The following WNK1 variants were observed in gnomAD, a reference collection of about 807,000 sequenced individuals.
WNK1 encodes the protein serine/threonine-protein kinase WNK1.
In WNK1, 38 loss-of-function variants were observed where a neutral mutation model predicts 222.8. The observed-to-expected ratio is 0.17, with a 90% CI of 0.13 to 0.22. WNK1 has a LOEUF of 0.22. Ranked by LOEUF, WNK1 falls within the 10% of genes least tolerant of loss-of-function variation. The pLI, the probability that WNK1 is intolerant of heterozygous loss-of-function variation, is 1.00. For synonymous variants in WNK1, 1,090 were observed against 1,092.9 expected (o/e 1.00, Z 0.05); for missense variants, 2,348 against 2,918.4 (o/e 0.80, Z 4.50).
At chr12:906,748 A>C (rs1284783658) in intron 26 of WNK1, 1 of 985,222 alleles carries the variant, frequency 1.0e-6, no homozygotes, top group East Asian at 1.1e-4. Flanking sequence ...CTCTATTTAA[A>C]GAATGGCTAG....
chr12:822,398 A>T lies in WNK1; in HGVS notation c.933-4644A>T, dbSNP rs188309345. On this transcript the variant is annotated intron_variant, in intron 2 of 27. Coordinates refer to ENST00000315939, the MANE Select transcript of WNK1 (RefSeq NM_018979.4). The stretch of plus-strand genomic sequence containing the variant: ...GTAAGCCACCGCCCGCAGCCGTAAT[A>T]TATCACATTCCTAGAGACAGTCTTG... Among the ~76,000 whole-genome samples, 907 of 152,264 alleles carry T rather than the reference A, an allele frequency of 6.0e-3. 11 individuals carry two copies. The highest frequency in any genetic ancestry group is 0.021 in the African/African-American group (855 of 41,558).
chr12:819,634 T>A (rs1947674493), intron 2 of WNK1, among the ~76,000 whole-genome samples: 1 of 152,218 alleles, frequency 6.6e-6, no homozygotes, highest in Non-Finnish European at 1.5e-5. Context: ...AAGAGTCCAT[T>A]GTCATAAATA....
chr12:880,969 C>T lies in WNK1; in HGVS notation c.3081C>T (p.Pro1027=), dbSNP rs150212942. ...CAGGAGGGAGTTTAGCACAAGCCCC[C>T]ACTACATCCTCCCAGCAAGCAGTTT... ...SQPGGSLAQA[P]TTSSQQAVLE... is the part of the protein sequence containing the mutation. The change falls in exon 12 of 28, where the codon CCC becomes CCT. Residue 1027 remains proline, a synonymous_variant. Transcript: ENST00000315939. The T allele has an allele frequency of 3.7e-6, 6 of 1,614,026 alleles. No individual in the cohort carries two copies. The African/African-American group carries it at 8.0e-5, about 22-fold the overall frequency.
At position 817,301 on chromosome 12, in the gene WNK1, A is replaced by G. The variant is rs530221242; in HGVS notation, c.932+3487A>G. On this transcript the variant is annotated intron_variant, in intron 2 of 27. Coordinates refer to ENST00000315939, the MANE Select transcript of WNK1 (RefSeq NM_018979.4). ...CAATGAGCCGAGATCGTGCCTCTGC[A>G]CTCCAGCCTGGGTGACAGAGCGAGA... Among the ~76,000 whole-genome samples, 9 of 152,266 alleles carry G rather than the reference A, an allele frequency of 5.9e-5. No individual in the cohort carries two copies. In the South Asian group the frequency reaches 6.2e-4, roughly 11 times the overall value.
At position 881,740 on chromosome 12, in the gene WNK1, G is replaced by A. The variant is rs1214940486; in HGVS notation, c.3160G>A (p.Ala1054Thr). 1 of 1,614,158 alleles carries A rather than the reference G, an allele frequency of 6.2e-7. No homozygotes were observed. Among genetic ancestry groups the A allele is most frequent in the Admixed American group, 1.7e-5 (1 of 60,010 alleles). The change falls in exon 13 of 28, where the codon GCA (alanine) becomes ACA (threonine). Residue 1054 changes from alanine (A) to threonine (T), a missense_variant. Around this residue, in one of 13 missense-constraint regions of WNK1, gnomAD observed 547 missense variants for 558.3 expected, o/e 0.98. Transcript: ENST00000315939. ...TGCTCCTGCAGAGCCAGTTGCAGTAGCACAGACCCAAGCTACCCAGCCGAC... is the reference window on the plus strand; with the variant it reads ...TGCTCCTGCAGAGCCAGTTGCAGTAACACAGACCCAAGCTACCCAGCCGAC... ...QVAPAEPVAV[A>T]QTQATQPTTL...
intron 1 of WNK1, among the ~76,000 whole-genome samples, chr12:795,535 C>T (rs1432231223): frequency 2.0e-5 from 3 of 152,088 alleles, no homozygotes; most frequent in African/African-American, 7.2e-5. Context: ...TCTCTGTCTG[C>T]CACCATTGAT....
At position 894,626 on chromosome 12, in the gene WNK1, A is replaced by G. The variant is rs148254159; in HGVS notation, c.5574A>G (p.Gly1858=). 5 of 1,613,946 alleles carry G rather than the reference A, an allele frequency of 3.1e-6. No homozygotes were observed. Among genetic ancestry groups the G allele is most frequent in the Non-Finnish European group, 2.5e-6 (3 of 1,179,900 alleles). Residue 1858 remains glycine, a synonymous_variant, in exon 23 of 28, where the codon GGA becomes GGG. Coordinates refer to ENST00000315939, the MANE Select transcript of WNK1 (RefSeq NM_018979.4). ...CAGGAGCTGGTGTTTTTAAGATGGGACGATTTCAGGTAAGACAGTCACTTT... is the reference window on the plus strand; with the variant it reads ...CAGGAGCTGGTGTTTTTAAGATGGGGCGATTTCAGGTAAGACAGTCACTTT... The part of the protein sequence containing the change: ...TSSGAGVFKM[G]RFQVSVAADG...
chr12:810,741 G>T (rs780282758), intron 1 of WNK1, among the ~76,000 whole-genome samples: 3 of 152,156 alleles, frequency 2.0e-5, no homozygotes, highest in Non-Finnish European at 4.4e-5. Flanking sequence ...TGTGCAAATG[G>T]TTATGAGGTC....
chr12:767,234 GTTTTTTTTTTTTTTTTTTTTTTT>G lies in WNK1; in HGVS notation c.759+12923_759+12945del, dbSNP rs71051382. 5.3e-3 allele frequency among the ~76,000 whole-genome samples: 376 copies of G among 70,948 alleles called. 3 individuals carry two copies. Among genetic ancestry groups the G allele is most frequent in the African/African-American group, 0.023 (360 of 15,826 alleles). 46.5% of individuals were successfully genotyped at this position (70,948 alleles called of 152,430 possible). A position where few individuals can be genotyped will look rare whatever the true frequency, so the allele number is the denominator to read the frequency against. On this transcript the variant is annotated intron_variant, in intron 1 of 27. Coordinates refer to ENST00000315939, the MANE Select transcript of WNK1 (RefSeq NM_018979.4). ...TGTGGCAGACTTTCTGGGTTGATAG[GTTTTTTTTTTTTTTTTTTTTTTT>G]TTTTTTTTTTTTGGAGACAGAGTCT...
At chr12:759,411 A>C (rs936828242) in intron 1 of WNK1, among the ~76,000 whole-genome samples, 10 of 146,532 alleles carry the variant, frequency 6.8e-5, no homozygotes, top group African/African-American at 2.4e-4. Context: ...GCTCACTGCA[A>C]CCTCCACCTC....
chr12:760,934 C>T (rs990911152), intron 1 of WNK1, among the ~76,000 whole-genome samples: 8 of 135,236 alleles, frequency 5.9e-5, no homozygotes, highest in East Asian at 4.0e-4. Context: ...CAACCACACC[C>T]GGCTAATTTT....
At chr12:887,414 T>A in intron 20 of WNK1, 110 bp downstream of exon 20, 2 of 996,462 alleles carry the variant, frequency 2.0e-6, no homozygotes, top group Non-Finnish European at 3.2e-6. Context: ...TTTGACTTAG[T>A]AACACCTTTC....
At chr12:830,751 C>T (rs77119868) in intron 4 of WNK1, among the ~76,000 whole-genome samples, 20 of 152,284 alleles carry the variant, frequency 1.3e-4, no homozygotes, top group South Asian at 4.1e-4. Flanking sequence ...CTTCATTATG[C>T]TACTCTAAAA....
At chr12:851,655 C>T (rs1341806782) in intron 4 of WNK1, 1 of 1,296,252 alleles carries the variant, frequency 7.7e-7, no homozygotes, top group Admixed American at 2.3e-5. Flanking sequence ...TTTTTTCCTT[C>T]ATTTTCCTCC....
At chr12:801,429 G>C (rs942554348) in intron 1 of WNK1, among the ~76,000 whole-genome samples, 1 of 98,182 alleles carries the variant, frequency 1.0e-5, no homozygotes, top group South Asian at 3.5e-4. Flanking sequence ...TTCTTTGTGT[G>C]TGTGTGTGTG....
chr12:885,017 G>A lies in WNK1; in HGVS notation c.4213G>A (p.Glu1405Lys). 6.2e-7 allele frequency: 1 copy of A among 1,614,194 alleles called. No homozygotes were observed. The highest frequency in any genetic ancestry group is 8.5e-7 in the Non-Finnish European group (1 of 1,180,034). Residue 1405 changes from glutamate to lysine, a missense_variant, in exon 19 of 28, where the codon GAA (glutamate) becomes AAA (lysine). Glu to Lys is a moderately conservative substitution (Grantham distance 56). This residue lies in a region of WNK1 where 1,144 missense variants were observed against 1,273.6 expected (regional missense o/e 0.90). Transcript: ENST00000315939. ...TGGTCTCCCCATACCACCTGTGTCT[G>A]AATCACCAGTACTTTCCAGCGTAGT... The part of the protein sequence containing the change: ...SGGLPIPPVS[E>K]SPVLSSVVSS...
At chr12:868,760 C>G (rs1463613373) in intron 8 of WNK1, 1 of 1,614,074 alleles carries the variant, frequency 6.2e-7, no homozygotes, top group East Asian at 2.2e-5. Context: ...AGTTGGATTA[C>G]ATGGCTACTT....
intron 1 of WNK1, among the ~76,000 whole-genome samples, chr12:794,878 A>C (rs1318668453): frequency 6.6e-6 from 1 of 152,126 alleles, no homozygotes; most frequent in Non-Finnish European, 1.5e-5. Flanking sequence ...CTGTCTCCCA[A>C]GTAGCTAAGA....
intron 21 of WNK1, 32 bp downstream of exon 21, chr12:889,255 C>A: frequency 6.4e-7 from 1 of 1,554,886 alleles, no homozygotes; most frequent in Non-Finnish European, 8.9e-7. Flanking sequence ...AAAATCTCCT[C>A]ATAACCCTAA....
Sources: gnomAD v4.1 joint callset for allele counts (sites outside exome capture counted in the v4.1 genomes callset) on GRCh38, gnomAD v4.1.1 for gene constraint, gnomAD v4.1.1 regional missense constraint, MANE v1.5 for transcripts, NCBI Gene and HGNC (gene_info 2026-07-23, HGNC 2026-07-21) for gene names.